Variants in SPECC1L observed in about 807,000 individuals in gnomAD.
SPECC1L encodes cytospin-A.
SPECC1L carries 40 observed loss-of-function variants against 116.8 expected under a neutral mutation model. That is an observed-to-expected ratio of 0.34 (90% confidence interval 0.27 to 0.45). SPECC1L has a LOEUF of 0.45. Among genes scored for constraint, SPECC1L ranks in the 20% least tolerant of loss-of-function variants. The pLI, the probability that SPECC1L is intolerant of heterozygous loss-of-function variation, is 1.00. For missense variants in SPECC1L, 1,110 were observed against 1,373.6 expected (o/e 0.81, Z 3.03); for synonymous variants, 504 against 500.6 (o/e 1.01, Z -0.09).
intron 14 of SPECC1L, among the ~76,000 whole-genome samples, chr22:24,373,727 T>A (rs1030346569): frequency 6.6e-6 from 1 of 152,206 alleles, no homozygotes; most frequent in Non-Finnish European, 1.5e-5. Context: ...AAGGACTTCA[T>A]GTTTAAAACA....
chr22:24,312,427 T>C (rs2040480227), intron 3 of SPECC1L, among the ~76,000 whole-genome samples: 1 of 152,252 alleles, frequency 6.6e-6, no homozygotes, highest in South Asian at 2.1e-4. Flanking sequence ...GAATTCAGTA[T>C]GATTATCTGA....
At chr22:24,353,295 T>A (rs763680451) in intron 11 of SPECC1L, among the ~76,000 whole-genome samples, 1 of 152,192 alleles carries the variant, frequency 6.6e-6, no homozygotes, top group African/African-American at 2.4e-5. Flanking sequence ...AGTCTGCAGC[T>A]GCTTCTCACT....
rs1469631497 is a variant in SPECC1L at position 24,416,154 on chromosome 22, T to C, written c.*1531T>C. The C allele has an allele frequency of 6.6e-6, 1 of 152,204 alleles. No homozygotes were observed. The highest frequency in any genetic ancestry group is 1.9e-4 in the East Asian group (1 of 5,190). 9.4% of individuals were successfully genotyped at this position (152,204 alleles called of 1,614,324 possible). On this transcript the variant is annotated 3_prime_UTR_variant, in exon 17 of 17. Coordinates refer to ENST00000314328, the MANE Select transcript of SPECC1L (RefSeq NM_015330.6). ...AGAATAGGAGTTTAACGTGTCTACG[T>C]AACCTAGAATGTGGTTATTAGGAAA...
At chr22:24,282,803 G>T (rs1326643284) in intron 2 of SPECC1L, among the ~76,000 whole-genome samples, 1 of 150,340 alleles carries the variant, frequency 6.7e-6, no homozygotes, top group Admixed American at 6.6e-5. Context: ...TTTAAGACGG[G>T]GTCGCACCCT....
intron 2 of SPECC1L, among the ~76,000 whole-genome samples, chr22:24,293,476 A>G (rs1232320041): frequency 6.6e-6 from 1 of 152,056 alleles, no homozygotes; most frequent in Admixed American, 6.6e-5. Flanking sequence ...AAAGGGGGGA[A>G]AAAGAGAACA....
chr22:24,310,204 T>C (rs1331798378), intron 3 of SPECC1L, among the ~76,000 whole-genome samples: 1 of 152,252 alleles, frequency 6.6e-6, no homozygotes, highest in Non-Finnish European at 1.5e-5. Flanking sequence ...TTTTTGTTGC[T>C]GTTTAATACC....
chr22:24,376,648 A>G (rs899837568), intron 14 of SPECC1L, among the ~76,000 whole-genome samples: 1 of 152,218 alleles, frequency 6.6e-6, no homozygotes. Context: ...TGAATATTTT[A>G]TGCTAAGGGA....
At chr22:24,341,043 C>G (rs2041167045) in intron 10 of SPECC1L, among the ~76,000 whole-genome samples, 2 of 152,098 alleles carry the variant, frequency 1.3e-5, no homozygotes, top group African/African-American at 4.8e-5. Flanking sequence ...CAGTCTTTTC[C>G]TGGAGGCAAT....
rs184524116 is a variant in SPECC1L, at chr22:24,305,486, C to T, written c.153+3102C>T. Among the ~76,000 whole-genome samples, 535 of 152,204 alleles carry T rather than the reference C, an allele frequency of 3.5e-3. 6 individuals are homozygous for T. The highest frequency in any genetic ancestry group is 3.1e-3 in the Non-Finnish European group (211 of 68,028). ...TTATCTGTACTGTTGCATCTAGCAG[C>T]GGTCACTTCCTTTTCATTGTTGGTT... On this transcript the variant is annotated intron_variant, in intron 3 of 16. Coordinates refer to ENST00000314328, the MANE Select transcript of SPECC1L (RefSeq NM_015330.6).
rs1569437028 is a variant in SPECC1L, at chr22:24,365,648, T to C, written c.2984+16T>C. The C allele has an allele frequency of 5.0e-6, 8 of 1,613,888 alleles. No individual in the cohort carries two copies. Among genetic ancestry groups the C allele is most frequent in the Non-Finnish European group, 5.9e-6 (7 of 1,179,854 alleles). On this transcript the variant is annotated intron_variant, in intron 13 of 16. Coordinates refer to ENST00000314328, the MANE Select transcript of SPECC1L (RefSeq NM_015330.6). ...GCCGAATAAGGTAGAGAACAGTTAATATTCATGCATTTCGTGTGTACCTTT... is the reference window on the plus strand; with the variant it reads ...GCCGAATAAGGTAGAGAACAGTTAACATTCATGCATTTCGTGTGTACCTTT...
intron 11 of SPECC1L, among the ~76,000 whole-genome samples, chr22:24,351,078 C>T (rs984378589): frequency 6.6e-6 from 1 of 152,178 alleles, no homozygotes; most frequent in Non-Finnish European, 1.5e-5. Flanking sequence ...CCCTCGAGGC[C>T]TTCTCCACTC....
intron 4 of SPECC1L, among the ~76,000 whole-genome samples, chr22:24,318,633 ACCCCAGCCAGG>A (rs1243410782): frequency 6.6e-6 from 1 of 151,916 alleles, no homozygotes; most frequent in Non-Finnish European, 1.5e-5. Flanking sequence ...GAAAAAAGTT[ACCCCAGCCAGG>A]TGCGATGGTG....
At position 24,330,348 on chromosome 22, in the gene SPECC1L, T is replaced by G; in HGVS notation, c.2313T>G (p.Ile771Met). 1 of 1,614,142 alleles carries G rather than the reference T, an allele frequency of 6.2e-7. No homozygotes were observed. Among genetic ancestry groups the G allele is most frequent in the Non-Finnish European group, 8.5e-7 (1 of 1,180,018 alleles). ...TTAAATCTGAAGCCCAAGAGGAGAT[T>G]GGTGATCTAAAGCGCCGGTTACATG... ...NDIKSEAQEEIGDLKRRLHEA... is the reference protein window; with the variant it reads ...NDIKSEAQEEMGDLKRRLHEA... Residue 771 changes from isoleucine (I) to methionine (M), a missense_variant, in exon 8 of 17, where the codon ATT becomes ATG. This residue lies in a region of SPECC1L where 575 missense variants were observed against 682.4 expected (regional missense o/e 0.84). Transcript: ENST00000314328.
intron 2 of SPECC1L, among the ~76,000 whole-genome samples, chr22:24,283,356 G>A (rs1425678919): frequency 6.6e-6 from 1 of 152,256 alleles, no homozygotes; most frequent in Non-Finnish European, 1.5e-5. Flanking sequence ...GGGATTACAG[G>A]CGTGAGCCAC....
intron 14 of SPECC1L, among the ~76,000 whole-genome samples, chr22:24,400,213 C>T (rs1293482786): frequency 6.6e-6 from 1 of 152,230 alleles, no homozygotes; most frequent in Non-Finnish European, 1.5e-5. Context: ...TGGAAACCAC[C>T]TACCCATTCA....
intron 11 of SPECC1L, among the ~76,000 whole-genome samples, chr22:24,347,497 T>G (rs900866452): frequency 6.6e-6 from 1 of 152,198 alleles, no homozygotes; most frequent in Admixed American, 6.5e-5. Flanking sequence ...CTTAAAGAAG[T>G]TAACTAATTC....
chr22:24,412,631 C>CA lies in SPECC1L; in HGVS notation c.3205-16dup. 1.2e-6 allele frequency: 2 copies of CA among 1,614,018 alleles called. No homozygotes were observed. Among genetic ancestry groups the CA allele is most frequent in the Non-Finnish European group, 1.7e-6 (2 of 1,179,914 alleles). ...GTGCCTTGTTCATGCACTGCAGTGA[C>CA]ACAGTTTCTTTTACAGAGAAGGAAC... On this transcript the variant is annotated splice_polypyrimidine_tract_variant and intron_variant, in intron 15 of 16. Coordinates refer to ENST00000314328, the MANE Select transcript of SPECC1L (RefSeq NM_015330.6).
In SPECC1L at chr22:24,317,882, C is replaced by T. The variant is rs566717595; in HGVS notation, c.308-3406C>T. 7.4e-3 allele frequency among the ~76,000 whole-genome samples: 1,123 copies of T among 151,092 alleles called. 4 individuals carry two copies. The highest frequency in any genetic ancestry group is 0.012 in the South Asian group (59 of 4,774). On this transcript the variant is annotated intron_variant, in intron 4 of 16. Transcript: ENST00000314328. ...GCAGAGACGCTCCTCACATCCCGGA[C>T]GGGGCGACAGGGCAGAGGCGCTCCC...
At chr22:24,310,991 C>T (rs1021363397) in intron 3 of SPECC1L, among the ~76,000 whole-genome samples, 7 of 152,162 alleles carry the variant, frequency 4.6e-5, no homozygotes, top group African/African-American at 1.7e-4. Context: ...TTGGTGTATA[C>T]ACTTGACCTA....
Sources: allele counts gnomAD v4.1 joint callset (sites outside exome capture counted in the v4.1 genomes callset), GRCh38; gene constraint gnomAD v4.1.1; regional missense constraint gnomAD v4.1.1; transcripts MANE v1.5; gene names NCBI Gene and HGNC (gene_info 2026-07-23, HGNC 2026-07-21).